The following POU2F1 variants were observed in gnomAD, a reference collection of about 807,000 sequenced individuals.
POU2F1 encodes POU domain, class 2, transcription factor 1.
In POU2F1, 16 loss-of-function variants were observed where a neutral mutation model predicts 84.9. The ratio of observed to expected loss-of-function variants is 0.19; its 90% CI spans 0.13 to 0.29. POU2F1 has a LOEUF of 0.29. Ranked by LOEUF, POU2F1 falls within the 10% of genes least tolerant of loss-of-function variation. POU2F1 has a pLI of 1.00. For synonymous variants in POU2F1, 368 were observed against 368.3 expected (o/e 1.00, Z 0.01); for missense variants, 738 against 942.6 (o/e 0.78, Z 2.84).
intron 1 of POU2F1, among the ~76,000 whole-genome samples, chr1:167,306,336 C>G (rs1655062029): frequency 6.6e-6 from 1 of 152,016 alleles, no homozygotes; most frequent in Non-Finnish European, 1.5e-5. Flanking sequence ...TTCCTGTGTA[C>G]AATAAAGATG....
intron 1 of POU2F1, chr1:167,257,766 G>A (rs1651252118): frequency 7.1e-6 from 1 of 140,920 alleles, no homozygotes; most frequent in South Asian, 2.5e-4. Flanking sequence ...CTCAAGTCTT[G>A]GAAGCAGGTT....
chr1:167,408,625 A>G (rs966236182), intron 13 of POU2F1, among the ~76,000 whole-genome samples: 5 of 152,222 alleles, frequency 3.3e-5, no homozygotes, highest in Admixed American at 6.5e-5. Context: ...TACATATTGT[A>G]TGATTCCATT....
chr1:167,259,942 G>A (rs564745494), intron 1 of POU2F1, among the ~76,000 whole-genome samples: 3 of 151,574 alleles, frequency 2.0e-5, no homozygotes, highest in East Asian at 3.9e-4. Context: ...GCAGTGGCGC[G>A]ATCTCAGCTC....
chr1:167,369,979 G>C (rs1280094217), intron 3 of POU2F1, among the ~76,000 whole-genome samples, 182 bp from the exon 4 acceptor site: 1 of 152,068 alleles, frequency 6.6e-6, no homozygotes, highest in African/African-American at 2.4e-5. Context: ...GACCCGTTGG[G>C]GTGGGGTAGG....
chr1:167,351,425 G>A (rs1658552872), intron 2 of POU2F1, among the ~76,000 whole-genome samples: 1 of 150,062 alleles, frequency 6.7e-6, no homozygotes, highest in African/African-American at 2.5e-5. Flanking sequence ...GGCTGAGGCA[G>A]GAGAATCACT....
chr1:167,332,008 C>A (rs1657109472), intron 1 of POU2F1, among the ~76,000 whole-genome samples: 1 of 151,886 alleles, frequency 6.6e-6, no homozygotes, highest in African/African-American at 2.4e-5. Flanking sequence ...AGTTACTGTC[C>A]CATCTTTTAT....
chr1:167,401,525 C>T lies in POU2F1; in HGVS notation c.1524C>T (p.Thr508=). The part of the protein sequence containing the change: ...TLTVSPVLPL[T]SAAVTNLSVT... ...CAGTCAGCCCTGTCCTCCCTCTGAC[C>T]AGTGCTGCTGTGACGAATCTTTCAG... The change falls in exon 13 of 16, where the codon ACC becomes ACT. Residue 508 remains threonine (T), a synonymous_variant. Transcript: ENST00000367866. The T allele has an allele frequency of 6.2e-6, 10 of 1,612,450 alleles. No individual in the cohort carries two copies. Among genetic ancestry groups the T allele is most frequent in the Non-Finnish European group, 8.5e-6 (10 of 1,179,426 alleles).
chr1:167,297,957 TA>T (rs879907001), intron 1 of POU2F1, among the ~76,000 whole-genome samples: 188 of 143,554 alleles, frequency 1.3e-3, no homozygotes, highest in East Asian at 1.8e-3. Context: ...CCGTCTCTAC[TA>T]AAAAAAAAAA....
At chr1:167,276,156 G>C (rs1652713574) in intron 1 of POU2F1, among the ~76,000 whole-genome samples, 1 of 152,186 alleles carries the variant, frequency 6.6e-6, no homozygotes, top group Non-Finnish European at 1.5e-5. Flanking sequence ...GTTCTGAGTA[G>C]TGAGATGAAA....
At chr1:167,367,071 C>G (rs1659724370) in intron 3 of POU2F1, among the ~76,000 whole-genome samples, 1 of 152,128 alleles carries the variant, frequency 6.6e-6, no homozygotes, top group African/African-American at 2.4e-5. Flanking sequence ...ATCACAGACC[C>G]TTCAATACCA....
chr1:167,359,626 G>C (rs1405706929), intron 2 of POU2F1, among the ~76,000 whole-genome samples: 1 of 152,178 alleles, frequency 6.6e-6, no homozygotes, highest in Non-Finnish European at 1.5e-5. Flanking sequence ...GTTGTGAATA[G>C]TGCTGTGATA....
At chr1:167,222,828 G>A (rs1263338028) in intron 1 of POU2F1, among the ~76,000 whole-genome samples, 1 of 152,164 alleles carries the variant, frequency 6.6e-6, no homozygotes, top group Non-Finnish European at 1.5e-5. Context: ...TTTATTTTCA[G>A]AGCCTATGAA....
intron 1 of POU2F1, among the ~76,000 whole-genome samples, chr1:167,279,822 T>C (rs1447014276): frequency 3.3e-5 from 5 of 152,204 alleles, no homozygotes; most frequent in Non-Finnish European, 5.9e-5. Context: ...GCAGGTTTAC[T>C]TGTCTAGATT....
At chr1:167,257,685 A>G (rs1004141639) in intron 1 of POU2F1, 17 of 152,318 alleles carry the variant, frequency 1.1e-4, no homozygotes, top group African/African-American at 4.1e-4. Context: ...TAGAGGTAAT[A>G]ATAATGGCCA....
chr1:167,322,729 A>G (rs1449303497), intron 1 of POU2F1, among the ~76,000 whole-genome samples: 1 of 152,242 alleles, frequency 6.6e-6, no homozygotes, highest in Non-Finnish European at 1.5e-5. Context: ...GCTGAGAGCC[A>G]CAAACAAAGC....
chr1:167,328,451 T>C (rs1307913960), intron 1 of POU2F1, among the ~76,000 whole-genome samples: 1 of 152,216 alleles, frequency 6.6e-6, no homozygotes, highest in Non-Finnish European at 1.5e-5. Context: ...GTGTTCTGCT[T>C]CTACCTTGCT....
At position 167,287,160 on chromosome 1, in the gene POU2F1, T is replaced by C. The variant is rs116721567; in HGVS notation, c.62-45310T>C. Among the ~76,000 whole-genome samples the C allele has an allele frequency of 5.6e-3, 859 of 152,320 alleles. 3 individuals carry two copies. The highest frequency in any genetic ancestry group is 0.019 in the African/African-American group (804 of 41,566). On this transcript the variant is annotated intron_variant, in intron 1 of 15. Transcript: ENST00000367866. ...CGAACAACCACCCACCAGCAAAGTA[T>C]ACTGATGAAGGCTTGTCTTTCTTAG...
intron 1 of POU2F1, among the ~76,000 whole-genome samples, chr1:167,264,567 C>T (rs904263919): frequency 3.9e-5 from 6 of 152,058 alleles, no homozygotes; most frequent in Non-Finnish European, 8.8e-5. Context: ...TGACACAGTC[C>T]AGTTTGTGTT....
Position 167,358,663 on chromosome 1 carries a change from G to A in POU2F1, c.128-6804G>A, listed in dbSNP as rs1659135124. Among the ~76,000 whole-genome samples, 3 of 135,976 alleles carry A rather than the reference G, an allele frequency of 2.2e-5. No individual in the cohort carries two copies. The South Asian group carries it at 7.4e-4, about 33-fold the overall frequency. 89.2% of individuals were successfully genotyped at this position (135,976 alleles called of 152,430 possible). A position where few individuals can be genotyped will look rare whatever the true frequency, so the allele number is the denominator to read the frequency against. On this transcript the variant is annotated intron_variant, in intron 2 of 15. Transcript: ENST00000367866. ...AGTTATTCATTTTTAAGTTTTAATT[G>A]TATTGACATGAAACGCTTCACAATA...
Sources: allele counts gnomAD v4.1 joint callset (sites outside exome capture counted in the v4.1 genomes callset), GRCh38; gene constraint gnomAD v4.1.1; transcripts MANE v1.5; gene names NCBI Gene and HGNC (gene_info 2026-07-23, HGNC 2026-07-21).